The following ACOXL variants were observed in gnomAD, a reference collection of about 807,000 sequenced individuals.
The protein encoded by ACOXL is acyl-coenzyme A oxidase-like protein.
Under a neutral mutation model 71.9 loss-of-function variants are expected in ACOXL, and 70 were observed. The ratio of observed to expected loss-of-function variants is 0.97; its 90% CI spans 0.80 to 1.19. The LOEUF (loss-of-function observed/expected upper bound fraction) is 1.19, where lower values mean the gene tolerates loss of function less well. Ranked by LOEUF, ACOXL falls within the 50% of genes most tolerant of loss-of-function variation. The pLI, the probability that ACOXL is intolerant of heterozygous loss-of-function variation, is 0.00. For synonymous variants in ACOXL, 253 were observed against 281.6 expected, an observed-to-expected ratio of 0.90 and a Z score of 1.02; for missense variants, 703 against 736.3, an observed-to-expected ratio of 0.95 and a Z score of 0.52.
chr2:110,878,781 C>G (rs188832832), intron 10 of ACOXL, among the ~76,000 whole-genome samples: 2 of 150,950 alleles, frequency 1.3e-5, no homozygotes, highest in Non-Finnish European at 3.0e-5. Context: ...TCAAAACAGG[C>G]TGGCACGGTG....
In ACOXL at chr2:110,828,517, G is replaced by A. The variant is rs574085116; in HGVS notation, c.754-12854G>A. ...TTCTTGCTTTCTGGCATTGACAATC[G>A]CCAGGCTGTTTTTTCTAGATTGAAT... On this transcript the variant is annotated intron_variant, in intron 9 of 17. Coordinates refer to ENST00000439055, the MANE Select transcript of ACOXL (RefSeq NM_001142807.4). Among the ~76,000 whole-genome samples, 43 of 152,266 alleles carry A rather than the reference G, an allele frequency of 2.8e-4. No homozygotes were observed. The East Asian group carries it at 5.0e-3, about 18-fold the overall frequency.
chr2:110,744,630 A>G (rs553462872), intron 1 of ACOXL, among the ~76,000 whole-genome samples: 4 of 152,290 alleles, frequency 2.6e-5, no homozygotes, highest in East Asian at 3.9e-4. Flanking sequence ...ACACTTTGCC[A>G]TAGGACCTAT....
intron 10 of ACOXL, 132 bp downstream of exon 10, chr2:110,841,537 T>C: frequency 1.5e-6 from 1 of 674,684 alleles, no homozygotes; most frequent in South Asian, 1.9e-5. Context: ...GCAGATGGAA[T>C]TGTTCTAGTT....
intron 11 of ACOXL, among the ~76,000 whole-genome samples, chr2:110,933,040 T>G (rs2060534061): frequency 6.6e-6 from 1 of 152,198 alleles, no homozygotes. Context: ...TTTTTGTTAT[T>G]TTTCTTTTGA....
At chr2:110,886,913 T>C in intron 10 of ACOXL, 1 of 1,525,670 alleles carries the variant, frequency 6.6e-7, no homozygotes, top group South Asian at 1.2e-5. Flanking sequence ...AATCAGCCAC[T>C]TAACTGTTCT....
intron 10 of ACOXL, among the ~76,000 whole-genome samples, chr2:110,861,737 G>C (rs1353587206): frequency 6.6e-6 from 1 of 152,174 alleles, no homozygotes. Context: ...CGTAATGTCT[G>C]AAAAACTTGG....
intron 10 of ACOXL, among the ~76,000 whole-genome samples, chr2:110,872,023 G>A (rs1243280117): frequency 6.6e-6 from 1 of 152,212 alleles, no homozygotes; most frequent in African/African-American, 2.4e-5. Context: ...CCAGAAACTT[G>A]GAATGTTGTC....
chr2:111,083,538 C>T (rs1457923256), intron 16 of ACOXL, among the ~76,000 whole-genome samples: 1 of 151,750 alleles, frequency 6.6e-6, no homozygotes, highest in Non-Finnish European at 1.5e-5. Flanking sequence ...CCAGATCACC[C>T]AAACCTTGGA....
intron 9 of ACOXL, among the ~76,000 whole-genome samples, chr2:110,815,651 T>C (rs1024183297): frequency 6.6e-6 from 1 of 152,182 alleles, no homozygotes; most frequent in East Asian, 1.9e-4. Context: ...GTGGGGAGAA[T>C]GTTGCCTGCA....
chr2:110,743,659 AC>A (rs1677818111), intron 1 of ACOXL, among the ~76,000 whole-genome samples: 1 of 152,152 alleles, frequency 6.6e-6, no homozygotes, highest in Non-Finnish European at 1.5e-5. Context: ...GGACCAATGC[AC>A]CATTCAGAGC....
chr2:111,018,025 A>G (rs2064546258), intron 14 of ACOXL: 1 of 152,268 alleles, frequency 6.6e-6, no homozygotes, highest in South Asian at 2.1e-4. Context: ...ATACATAAAA[A>G]TGCTTAGTTG....
intron 10 of ACOXL, among the ~76,000 whole-genome samples, chr2:110,846,902 A>T (rs1236782487): frequency 6.6e-6 from 1 of 152,198 alleles, no homozygotes; most frequent in Non-Finnish European, 1.5e-5. Flanking sequence ...GTACCAAGCA[A>T]GGAGAGCCTC....
At chr2:110,949,288 A>G (rs2061236033) in intron 12 of ACOXL, among the ~76,000 whole-genome samples, 1 of 151,792 alleles carries the variant, frequency 6.6e-6, no homozygotes, top group South Asian at 2.1e-4. Context: ...CCCCTAGTAG[A>G]AGGGCCTTCT....
chr2:110,848,415 G>C lies in ACOXL; in HGVS notation c.788+7010G>C, dbSNP rs1025975928. On this transcript the variant is annotated intron_variant, in intron 10 of 17. Transcript: ENST00000439055. ...ACAAAGCCATCTTTTGGATGGTTGCGTTTTTGATGGCCTTAACACAAAATA... is the reference window on the plus strand; with the variant it reads ...ACAAAGCCATCTTTTGGATGGTTGCCTTTTTGATGGCCTTAACACAAAATA... Among the ~76,000 whole-genome samples the C allele has an allele frequency of 2.0e-5, 3 of 152,188 alleles. No homozygotes were observed. The South Asian group carries it at 6.2e-4, about 32-fold the overall frequency.
intron 17 of ACOXL, chr2:111,098,729 T>C (rs1265375085): frequency 6.6e-6 from 1 of 152,182 alleles, no homozygotes; most frequent in Non-Finnish European, 1.5e-5. Flanking sequence ...TTTGAAACTT[T>C]TCTGTAAATT....
At chr2:110,954,093 G>A (rs557286726) in intron 12 of ACOXL, among the ~76,000 whole-genome samples, 4 of 152,228 alleles carry the variant, frequency 2.6e-5, no homozygotes, top group South Asian at 2.1e-4. Context: ...TTTTCCTAGC[G>A]AATTGAGTAT....
chr2:110,865,737 T>C (rs1694510533), intron 10 of ACOXL, among the ~76,000 whole-genome samples: 1 of 152,196 alleles, frequency 6.6e-6, no homozygotes, highest in African/African-American at 2.4e-5. Flanking sequence ...TTACATGCAT[T>C]TATGTGTGTG....
chr2:110,990,954 A>G (rs7601853), intron 13 of ACOXL, among the ~76,000 whole-genome samples: 68,792 of 152,060 alleles, frequency 0.45, 15,814 homozygotes, highest in Middle Eastern at 0.53. Context: ...ATTCTTGTAC[A>G]TGCCTGATTT....
intron 1 of ACOXL, among the ~76,000 whole-genome samples, chr2:110,747,008 G>A (rs369548054): frequency 5.6e-4 from 86 of 152,232 alleles, no homozygotes; most frequent in African/African-American, 2.0e-3. Flanking sequence ...ATAAAATGCA[G>A]CAAAAGAACC....
Sources: gnomAD v4.1 joint callset for allele counts (sites outside exome capture counted in the v4.1 genomes callset) on GRCh38, gnomAD v4.1.1 for gene constraint, MANE v1.5 for transcripts, NCBI Gene and HGNC (gene_info 2026-07-23, HGNC 2026-07-21) for gene names.